Variants in WDR70 observed in about 807,000 individuals in gnomAD.
WDR70 encodes the protein WD repeat-containing protein 70.
WDR70 carries 53 observed loss-of-function variants against 88.6 expected under a neutral mutation model. The ratio of observed to expected loss-of-function variants is 0.60; its 90% CI spans 0.48 to 0.75. WDR70 has a LOEUF of 0.75. Ranked by LOEUF, WDR70 falls within the 30% of genes least tolerant of loss-of-function variation. The pLI, the probability that WDR70 is intolerant of heterozygous loss-of-function variation, is 0.00. For missense variants in WDR70, 610 were observed against 823.2 expected (o/e 0.74, Z 3.17); for synonymous variants, 280 against 270.0 (o/e 1.04, Z -0.36).
chr5:37,413,135 G>A (rs974062436), intron 5 of WDR70, among the ~76,000 whole-genome samples: 1 of 152,142 alleles, frequency 6.6e-6, no homozygotes, highest in Admixed American at 6.6e-5. Context: ...GCTAGAAGCT[G>A]TGTTCCAAAA....
chr5:37,599,679 G>T (rs1743805465), intron 9 of WDR70, among the ~76,000 whole-genome samples: 1 of 152,072 alleles, frequency 6.6e-6, no homozygotes, highest in African/African-American at 2.4e-5. Flanking sequence ...ATCACCTGAG[G>T]TCAGGAGTTT....
At chr5:37,505,469 G>A (rs1829293) in intron 8 of WDR70, among the ~76,000 whole-genome samples, 90,739 of 151,838 alleles carry the variant, frequency 0.6, 28,455 homozygotes, top group Non-Finnish European at 0.69. Flanking sequence ...TCTAGTTTCC[G>A]TATACCTATT....
chr5:37,741,411 A>G (rs1161353999), intron 17 of WDR70, among the ~76,000 whole-genome samples: 1 of 152,064 alleles, frequency 6.6e-6, no homozygotes, highest in Non-Finnish European at 1.5e-5. Flanking sequence ...ACTCTATGAA[A>G]CCAGCTGTCT....
intron 9 of WDR70, among the ~76,000 whole-genome samples, chr5:37,589,505 G>A: frequency 6.6e-6 from 1 of 152,082 alleles, no homozygotes; most frequent in Non-Finnish European, 1.5e-5. Context: ...ACTTGGAATA[G>A]AACTCTCCAT....
chr5:37,738,201 A>G, intron 17 of WDR70, among the ~76,000 whole-genome samples: 1 of 152,196 alleles, frequency 6.6e-6, no homozygotes, highest in South Asian at 2.1e-4. Flanking sequence ...TAACAGGGTT[A>G]ACAAGTGTGT....
intron 5 of WDR70, among the ~76,000 whole-genome samples, chr5:37,403,074 G>A (rs952410274): frequency 6.7e-6 from 1 of 149,796 alleles, no homozygotes; most frequent in Non-Finnish European, 1.5e-5. Context: ...AGCCTCCTGA[G>A]TAGCTGGGAT....
chr5:37,430,886 T>A (rs537125189), intron 5 of WDR70, among the ~76,000 whole-genome samples: 1 of 151,822 alleles, frequency 6.6e-6, no homozygotes, highest in East Asian at 1.9e-4. Context: ...TTTTTTTTCC[T>A]TCTATCGTCC....
At chr5:37,577,824 CAT>C (rs1292844857) in intron 9 of WDR70, among the ~76,000 whole-genome samples, 2 of 152,146 alleles carry the variant, frequency 1.3e-5, no homozygotes, top group Non-Finnish European at 2.9e-5. Context: ...AGGAAAACCA[CAT>C]GTCTGGCTGA....
intron 17 of WDR70, among the ~76,000 whole-genome samples, chr5:37,741,004 A>G (rs1404495335): frequency 6.6e-6 from 1 of 152,168 alleles, no homozygotes; most frequent in African/African-American, 2.4e-5. Context: ...TCTAATAAAA[A>G]CCTAGATTTG....
chr5:37,608,038 C>CTTTTT (rs11295618), intron 10 of WDR70, among the ~76,000 whole-genome samples: 3 of 100,622 alleles, frequency 3.0e-5, no homozygotes, highest in Non-Finnish European at 4.0e-5. Flanking sequence ...CTGCAACACT[C>CTTTTT]TTTTTTTTTT....
intron 10 of WDR70, among the ~76,000 whole-genome samples, chr5:37,639,961 T>G (rs1012731476): frequency 6.6e-6 from 1 of 152,176 alleles, no homozygotes; most frequent in African/African-American, 2.4e-5. Flanking sequence ...TATTCTCACT[T>G]CGCAGATGAG....
At chr5:37,500,670 C>A (rs184559957) in intron 8 of WDR70, among the ~76,000 whole-genome samples, 1 of 150,274 alleles carries the variant, frequency 6.7e-6, no homozygotes, top group Admixed American at 6.7e-5. Flanking sequence ...AATGTGCATT[C>A]CCCCAGTGAT....
At position 37,394,999 on chromosome 5, in the gene WDR70, A is replaced by T. The variant is rs561550665; in HGVS notation, c.297-1376A>T. Among the ~76,000 whole-genome samples, 12 of 152,362 alleles carry T rather than the reference A, an allele frequency of 7.9e-5. No individual in the cohort carries two copies. In the South Asian group the frequency reaches 1.9e-3, roughly 24 times the overall value. ...CGTCAGTAGATATTGAGTGCCTGTTATAGGTGAAGCATTTTTTAGATGCTA... is the reference window on the plus strand; with the variant it reads ...CGTCAGTAGATATTGAGTGCCTGTTTTAGGTGAAGCATTTTTTAGATGCTA... On this transcript the variant is annotated intron_variant, in intron 4 of 17. Coordinates refer to ENST00000265107, the MANE Select transcript of WDR70 (RefSeq NM_018034.4).
At chr5:37,431,788 A>G (rs1392329397) in intron 5 of WDR70, among the ~76,000 whole-genome samples, 1 of 152,212 alleles carries the variant, frequency 6.6e-6, no homozygotes, top group Non-Finnish European at 1.5e-5. Context: ...TCTAGCACAT[A>G]TAAGTGGAAC....
rs1011157292 is a variant in WDR70 at position 37,530,303 on chromosome 5, G to A, written c.917+13713G>A. ...ATGTCCTTCCCTATTTTGGGTATTA[G>A]AGTGATACCTGCTTCATAGAGTGAT... On this transcript the variant is annotated intron_variant, in intron 9 of 17. Coordinates refer to ENST00000265107, the MANE Select transcript of WDR70 (RefSeq NM_018034.4). 6.6e-5 allele frequency among the ~76,000 whole-genome samples: 10 copies of A among 152,182 alleles called. 1 individual carries two copies. The South Asian group carries it at 1.5e-3, about 22-fold the overall frequency.
intron 2 of WDR70, among the ~76,000 whole-genome samples, chr5:37,380,443 A>G (rs1466805578): frequency 6.6e-6 from 1 of 151,186 alleles, no homozygotes; most frequent in Non-Finnish European, 1.5e-5. Flanking sequence ...GATTCACGCC[A>G]TTCTCCGGTC....
intron 17 of WDR70, among the ~76,000 whole-genome samples, chr5:37,735,489 G>A (rs1314069892): frequency 1.3e-5 from 2 of 152,102 alleles, no homozygotes; most frequent in African/African-American, 4.8e-5. Flanking sequence ...GAGCTTTGCA[G>A]AGGACTGCAC....
At chr5:37,440,733 C>T (rs1750629905) in intron 6 of WDR70, among the ~76,000 whole-genome samples, 1 of 152,196 alleles carries the variant, frequency 6.6e-6, no homozygotes, top group Non-Finnish European at 1.5e-5. Flanking sequence ...AACAGAGATC[C>T]TGATACTTCA....
chr5:37,656,073 G>T (rs1425470852), intron 10 of WDR70, among the ~76,000 whole-genome samples: 1 of 151,810 alleles, frequency 6.6e-6, no homozygotes, highest in African/African-American at 2.4e-5. Context: ...TCATCTGTGA[G>T]GATTTATCTA....
Sources: allele counts gnomAD v4.1 joint callset (sites outside exome capture counted in the v4.1 genomes callset), GRCh38; gene constraint gnomAD v4.1.1; transcripts MANE v1.5; gene names NCBI Gene and HGNC (gene_info 2026-07-23, HGNC 2026-07-21).